MYH11: variants seen among roughly 807,000 people sequenced by gnomAD.
The protein encoded by MYH11 is myosin heavy chain 11.
Under a neutral mutation model 246.6 loss-of-function variants are expected in MYH11, and 80 were observed. The ratio of observed to expected loss-of-function variants is 0.32; its 90% CI spans 0.27 to 0.39. MYH11 has a LOEUF of 0.39. Among genes scored for constraint, MYH11 ranks in the 10% least tolerant of loss-of-function variants. The pLI, the probability that MYH11 is intolerant of heterozygous loss-of-function variation, is 1.00. For synonymous variants in MYH11, 1,071 were observed against 1,015.5 expected (o/e 1.05, Z -1.04); for missense variants, 2,158 against 2,546.8 (o/e 0.85, Z 3.29).
chr16:15,846,870 C>T (rs215575), intron 1 of MYH11, among the ~76,000 whole-genome samples: 83,416 of 151,806 alleles, frequency 0.55, 25,047 homozygotes, highest in Non-Finnish European at 0.66. Flanking sequence ...GGGAGGATCA[C>T]TTAAGCTCAG....
chr16:15,713,792 G>C (rs2039958864), intron 40 of MYH11: 1 of 152,378 alleles, frequency 6.6e-6, no homozygotes, highest in African/African-American at 2.4e-5. Context: ...CCAAGCTTGA[G>C]TTTCATTTGG....
Position 15,771,630 on chromosome 16 carries a change from CTCA to C in MYH11, c.969_971del (p.Asp323del). ...TGGCCTCCACGGTTTCCTGGAACAT[CTCA>C]TCATCCTGGGCTGCTGGGATGGGCA... On this transcript the variant is annotated inframe_deletion, in exon 9 of 41. Transcript: ENST00000300036. 1 of 1,614,042 alleles carries C rather than the reference CTCA, an allele frequency of 6.2e-7. No individual in the cohort carries two copies. The highest frequency in any genetic ancestry group is 8.5e-7 in the Non-Finnish European group (1 of 1,180,012).
chr16:15,708,675 C>T (rs998844971), intron 40 of MYH11: 3 of 972,382 alleles, frequency 3.1e-6, no homozygotes, highest in South Asian at 1.4e-5. Flanking sequence ...ATCCAAGCCT[C>T]CAGATTTTGC....
At chr16:15,823,492 T>G (rs930572090) in intron 2 of MYH11, 81 bp from the exon 3 acceptor site, 48 of 1,553,738 alleles carry the variant, frequency 3.1e-5, no homozygotes, top group Non-Finnish European at 4.2e-5. Flanking sequence ...ATTCTCATGT[T>G]AGAGATGGGG....
intron 40 of MYH11, among the ~76,000 whole-genome samples, chr16:15,711,939 T>C (rs1198909737): frequency 1.3e-5 from 2 of 152,186 alleles, no homozygotes; most frequent in African/African-American, 4.8e-5. Flanking sequence ...GTGATCAGCC[T>C]GCGTTGGCCT....
At chr16:15,720,677 G>T (rs765056603) in intron 33 of MYH11, among the ~76,000 whole-genome samples, 162 bp downstream of exon 33, 9 of 151,928 alleles carry the variant, frequency 5.9e-5, no homozygotes, top group Non-Finnish European at 1.2e-4. Flanking sequence ...AGGTTGCAGT[G>T]AGCTGAGATT....
intron 2 of MYH11, among the ~76,000 whole-genome samples, chr16:15,830,134 C>CAA (rs5815844): frequency 3.3e-3 from 491 of 148,006 alleles, no homozygotes; most frequent in African/African-American, 9.6e-3. Context: ...GACTTGGTCT[C>CAA]AAAAAAAAAA....
chr16:15,718,188 A>G lies in MYH11; in HGVS notation c.5295+127T>C, dbSNP rs551812413. ...CCCTGGATCTCTACTCTCAGGCCCC[A>G]CCACCCTCTTGTCCCTCAATCCAGG... On this transcript the variant is annotated intron_variant, in intron 37 of 40. Transcript: ENST00000300036. The G allele has an allele frequency of 2.9e-5, 43 of 1,489,964 alleles. No individual in the cohort carries two copies. The East Asian group carries it at 6.1e-4, about 21-fold the overall frequency. The allele number at this position is 1,489,964 out of a possible 1,614,324, so 92.3% of individuals were successfully genotyped here. A position where few individuals can be genotyped will look rare whatever the true frequency, so the allele number is the denominator to read the frequency against.
intron 9 of MYH11, among the ~76,000 whole-genome samples, chr16:15,767,289 T>C (rs190363061): frequency 9.3e-4 from 142 of 152,258 alleles, no homozygotes; most frequent in African/African-American, 3.3e-3. Flanking sequence ...TGAGCCTCAG[T>C]TTCCCTATCT....
chr16:15,734,508 C>T (rs1181909484), intron 26 of MYH11, among the ~76,000 whole-genome samples: 6 of 152,182 alleles, frequency 3.9e-5, no homozygotes, highest in Admixed American at 2.6e-4. Flanking sequence ...CCATGTTGGC[C>T]AGGCTGGTCT....
In MYH11 at chr16:15,720,314, T is replaced by C; in HGVS notation, c.4792-2A>G. On this transcript the variant is annotated splice_acceptor_variant, in intron 33 of 40. Coordinates refer to ENST00000300036, the MANE Select transcript of MYH11 (RefSeq NM_002474.3). LOFTEE classifies it high-confidence loss of function. ...CAGTTCCGTCTCATACTCGTGAAGCTGGGCGAGGAATAGAGATGTGTGCTG... is the reference window on the plus strand; with the variant it reads ...CAGTTCCGTCTCATACTCGTGAAGCCGGGCGAGGAATAGAGATGTGTGCTG... 6.2e-7 allele frequency: 1 copy of C among 1,613,668 alleles called. No individual in the cohort carries two copies. Among genetic ancestry groups the C allele is most frequent in the Non-Finnish European group, 8.5e-7 (1 of 1,179,810 alleles).
At chr16:15,751,285 C>T (rs1291622465) in intron 15 of MYH11, among the ~76,000 whole-genome samples, 1 of 151,920 alleles carries the variant, frequency 6.6e-6, no homozygotes, top group Non-Finnish European at 1.5e-5. Context: ...CTCAGCCTCC[C>T]AGTAGCTGGG....
chr16:15,740,632 AC>A (rs2041249032), intron 22 of MYH11, among the ~76,000 whole-genome samples: 1 of 151,102 alleles, frequency 6.6e-6, no homozygotes, highest in Admixed American at 6.6e-5. Context: ...AAAAATAAAG[AC>A]CTGGGTAAGC....
chr16:15,722,118 C>T (rs1335993798), intron 31 of MYH11, among the ~76,000 whole-genome samples: 1 of 152,026 alleles, frequency 6.6e-6, no homozygotes, highest in African/African-American at 2.4e-5. Flanking sequence ...CTCGGCCTCC[C>T]AAAGCACGGA....
At chr16:15,782,534 A>G in intron 5 of MYH11, 57 bp from the exon 6 acceptor site, 1 of 1,394,884 alleles carries the variant, frequency 7.2e-7, no homozygotes, top group Non-Finnish European at 1.0e-6. Flanking sequence ...TGACAGTTCT[A>G]CCTTGGATGG....
intron 3 of MYH11, among the ~76,000 whole-genome samples, chr16:15,806,383 G>A (rs2043015606): frequency 6.9e-6 from 1 of 145,882 alleles, no homozygotes; most frequent in Non-Finnish European, 1.5e-5. Context: ...CAAATCCATA[G>A]AGACAGAAAG....
intron 20 of MYH11, among the ~76,000 whole-genome samples, chr16:15,742,955 C>T (rs867093231): frequency 2.1e-4 from 31 of 150,006 alleles, no homozygotes; most frequent in Middle Eastern, 7.0e-3. Flanking sequence ...GCTGGGACTA[C>T]AGGCACATGC....
Position 15,716,013 on chromosome 16 carries a change from G to A in MYH11, c.5505-741C>T, listed in dbSNP as rs543519274. Among the ~76,000 whole-genome samples, 7 of 152,220 alleles carry A rather than the reference G, an allele frequency of 4.6e-5. No individual in the cohort carries two copies. The East Asian group carries it at 1.4e-3, about 29-fold the overall frequency. On this transcript the variant is annotated intron_variant, in intron 38 of 40. Coordinates refer to ENST00000300036, the MANE Select transcript of MYH11 (RefSeq NM_002474.3). ...ACAGTGGTGTGCACCTGTAGTCCCA[G>A]CTACTTGGGAGGGTGAGGCGGAGGT...
At chr16:15,833,200 G>C (rs2043790417) in intron 2 of MYH11, among the ~76,000 whole-genome samples, 5 of 151,702 alleles carry the variant, frequency 3.3e-5, no homozygotes. Flanking sequence ...TAAGGAGACT[G>C]AGATAGGATC....
Sources: gnomAD v4.1 joint callset for allele counts (sites outside exome capture counted in the v4.1 genomes callset) on GRCh38, gnomAD v4.1.1 for gene constraint, MANE v1.5 for transcripts, NCBI Gene and HGNC (gene_info 2026-07-23, HGNC 2026-07-21) for gene names.